Variants in DSCAM observed in about 807,000 individuals in gnomAD.
DSCAM encodes the protein DS cell adhesion molecule, also known as cell adhesion molecule DSCAM.
A neutral mutation model predicts 217.7 loss-of-function variants in DSCAM; 47 were observed. The ratio of observed to expected loss-of-function variants is 0.22; its 90% CI spans 0.17 to 0.28. The LOEUF is 0.28. Among genes scored for constraint, DSCAM ranks in the 10% least tolerant of loss-of-function variants. The pLI is 1.00. For synonymous variants in DSCAM, 1,056 were observed against 1,015.3 expected (o/e 1.04, Z -0.76); for missense variants, 2,080 against 2,618.3 (o/e 0.79, Z 4.49).
At chr21:40,820,062 A>C (rs1336910201) in intron 1 of DSCAM, among the ~76,000 whole-genome samples, 1 of 152,122 alleles carries the variant, frequency 6.6e-6, no homozygotes, top group Non-Finnish European at 1.5e-5. Context: ...AACTATAAAA[A>C]GCTCTTAGGT....
intron 1 of DSCAM, among the ~76,000 whole-genome samples, chr21:40,718,075 A>G (rs1044607278): frequency 2.0e-5 from 3 of 152,224 alleles, no homozygotes; most frequent in Admixed American, 6.5e-5. Flanking sequence ...AAAAAGAGTG[A>G]AGAAAATAAA....
At chr21:40,657,130 A>G (rs1212507577) in intron 3 of DSCAM, among the ~76,000 whole-genome samples, 1 of 152,190 alleles carries the variant, frequency 6.6e-6, no homozygotes, top group Non-Finnish European at 1.5e-5. Flanking sequence ...CATAAGAGTG[A>G]GTTGATGGGT....
chr21:40,719,480 T>A (rs1056114678), intron 1 of DSCAM, among the ~76,000 whole-genome samples: 6 of 152,238 alleles, frequency 3.9e-5, no homozygotes, highest in African/African-American at 1.4e-4. Context: ...CATGCATATG[T>A]CCATCAAAAA....
intron 1 of DSCAM, among the ~76,000 whole-genome samples, chr21:40,715,059 T>C (rs929806589): frequency 5.3e-5 from 8 of 152,244 alleles, no homozygotes; most frequent in Non-Finnish European, 8.8e-5. Context: ...CTTCACCTGA[T>C]GGCCTTGGAC....
intron 3 of DSCAM, among the ~76,000 whole-genome samples, chr21:40,639,667 T>TTGTGTA (rs748325212): frequency 6.9e-6 from 1 of 144,168 alleles, no homozygotes; most frequent in Non-Finnish European, 1.5e-5. Context: ...TCGTGATGCT[T>TTGTGTA]TGTGTATGTG....
intron 32 of DSCAM, among the ~76,000 whole-genome samples, chr21:40,019,976 A>T (rs553767854): frequency 6.1e-4 from 90 of 148,510 alleles, no homozygotes; most frequent in South Asian, 5.1e-3. Flanking sequence ...TCTTTCTCTC[A>T]TTCCCTCCAT....
intron 30 of DSCAM, among the ~76,000 whole-genome samples, chr21:40,046,008 G>C (rs2088836207): frequency 2.0e-5 from 3 of 152,172 alleles, no homozygotes; most frequent in African/African-American, 7.2e-5. Context: ...TGACATAGCT[G>C]TTACGTGATA....
intron 3 of DSCAM, among the ~76,000 whole-genome samples, chr21:40,598,501 T>TG (rs1568929579): frequency 7.6e-6 from 1 of 131,048 alleles, no homozygotes; most frequent in Non-Finnish European, 1.6e-5. Flanking sequence ...CAAACTGTTT[T>TG]TTTTTTTTTT....
intron 3 of DSCAM, among the ~76,000 whole-genome samples, chr21:40,684,488 G>C (rs2090452883): frequency 7.1e-6 from 1 of 140,482 alleles, no homozygotes; most frequent in Non-Finnish European, 1.6e-5. Context: ...TGGAGGCCAA[G>C]CAACCCATCT....
At chr21:40,750,295 T>C (rs995319990) in intron 1 of DSCAM, among the ~76,000 whole-genome samples, 1 of 152,136 alleles carries the variant, frequency 6.6e-6, no homozygotes, top group East Asian at 1.9e-4. Context: ...TCCCCTCCAC[T>C]CCACTGAACA....
chr21:40,780,589 G>A (rs2091535415), intron 1 of DSCAM, among the ~76,000 whole-genome samples: 1 of 151,898 alleles, frequency 6.6e-6, no homozygotes, highest in African/African-American at 2.4e-5. Flanking sequence ...ATGTGACTGT[G>A]TTTGGAGATA....
intron 3 of DSCAM, among the ~76,000 whole-genome samples, chr21:40,561,762 A>G (rs1376557846): frequency 1.4e-5 from 2 of 144,558 alleles, no homozygotes; most frequent in African/African-American, 5.1e-5. Context: ...GAGTGAACTA[A>G]GCTGTCTTCA....
chr21:40,171,861 C>A (rs2090662225), intron 15 of DSCAM, among the ~76,000 whole-genome samples: 1 of 152,032 alleles, frequency 6.6e-6, no homozygotes, highest in Non-Finnish European at 1.5e-5. Flanking sequence ...AAATTACAGT[C>A]CAAAGCCGAT....
At chr21:40,773,601 G>T (rs918185361) in intron 1 of DSCAM, among the ~76,000 whole-genome samples, 2 of 152,202 alleles carry the variant, frequency 1.3e-5, no homozygotes, top group Non-Finnish European at 1.5e-5. Flanking sequence ...GGGAAACACT[G>T]TTCAACCCAC....
At chr21:40,032,095 T>C (rs1477414327) in intron 32 of DSCAM, among the ~76,000 whole-genome samples, 1 of 152,156 alleles carries the variant, frequency 6.6e-6, no homozygotes. Context: ...AAGATGCACA[T>C]TGTTGTAGAA....
chr21:40,703,959 G>A (rs1039325686), intron 2 of DSCAM, among the ~76,000 whole-genome samples: 1 of 151,868 alleles, frequency 6.6e-6, no homozygotes, highest in Non-Finnish European at 1.5e-5. Context: ...TCTCCCTCTT[G>A]CCACATCCTT....
intron 28 of DSCAM, among the ~76,000 whole-genome samples, chr21:40,059,839 TC>T (rs1284565930): frequency 6.6e-6 from 1 of 152,180 alleles, no homozygotes; most frequent in African/African-American, 2.4e-5. Context: ...TCCTTTGACT[TC>T]TAGAGAAAAC....
intron 1 of DSCAM, among the ~76,000 whole-genome samples, chr21:40,802,171 T>C (rs1396181089): frequency 1.3e-5 from 2 of 152,178 alleles, no homozygotes; most frequent in Non-Finnish European, 2.9e-5. Flanking sequence ...CCCACCCCAG[T>C]GTCTCGGAGG....
At position 40,258,467 on chromosome 21, in the gene DSCAM, T is replaced by C. The variant is rs1480972046; in HGVS notation, c.2356+17630A>G. ...ATACAATAAAATGGAGCTATGTGTA[T>C]TTATCTGTGTAAAAAGTAAAGTAGA... On this transcript the variant is annotated intron_variant, in intron 11 of 32. Transcript: ENST00000400454. 5.3e-5 allele frequency among the ~76,000 whole-genome samples: 8 copies of C among 152,368 alleles called. No homozygotes were observed. The East Asian group carries it at 1.5e-3, about 29-fold the overall frequency.
Sources: allele counts gnomAD v4.1 joint callset (sites outside exome capture counted in the v4.1 genomes callset), GRCh38; gene constraint gnomAD v4.1.1; transcripts MANE v1.5; gene names NCBI Gene and HGNC (gene_info 2026-07-23, HGNC 2026-07-21).